Variants in CAST observed in about 807,000 individuals in gnomAD.
The protein encoded by CAST is MIR583 host.
A neutral mutation model predicts 119.6 loss-of-function variants in CAST; 76 were observed. That is an observed-to-expected ratio of 0.64 (90% CI 0.53 to 0.77). The LOEUF (loss-of-function observed/expected upper bound fraction) is 0.77, where lower values mean the gene tolerates loss of function less well. Ranked by LOEUF, CAST falls within the 30% of genes least tolerant of loss-of-function variation. CAST has a pLI of 0.00. For synonymous variants in CAST, 319 were observed against 331.6 expected, an observed-to-expected ratio of 0.96 and a Z score of 0.41; for missense variants, 953 against 946.5, an observed-to-expected ratio of 1.01 and a Z score of -0.09.
At chr5:96,394,577 A>T in the CAST span, among the ~76,000 whole-genome samples, 4 of 152,246 alleles carry the variant, frequency 2.6e-5, no homozygotes, top group East Asian at 5.8e-4. Context: ...ATTGGGCATA[A>T]AGATAACTTT....
intron 1 of CAST, among the ~76,000 whole-genome samples, chr5:96,553,065 C>A (rs570488650): frequency 5.9e-5 from 9 of 152,154 alleles, no homozygotes; most frequent in Non-Finnish European, 8.8e-5. Context: ...TTTTATGAGG[C>A]CAGCATCATC....
the CAST span, among the ~76,000 whole-genome samples, chr5:96,120,443 A>G: frequency 6.6e-6 from 1 of 151,854 alleles, no homozygotes; most frequent in African/African-American, 2.4e-5. Flanking sequence ...CTGGTTTTCT[A>G]TATTCCCTGT....
the CAST span, among the ~76,000 whole-genome samples, chr5:95,981,999 T>A: frequency 1.3e-5 from 2 of 152,116 alleles, no homozygotes; most frequent in Non-Finnish European, 2.9e-5. Context: ...GGCATCTCCC[T>A]TTCCCTGTGC....
chr5:96,387,204 G>T, the CAST span, among the ~76,000 whole-genome samples: 1 of 152,164 alleles, frequency 6.6e-6, no homozygotes, highest in Non-Finnish European at 1.5e-5. Context: ...CCTTTAAGTT[G>T]TTAATATATT....
chr5:95,968,369 T>A, the CAST span, among the ~76,000 whole-genome samples: 1 of 152,220 alleles, frequency 6.6e-6, no homozygotes, highest in Non-Finnish European at 1.5e-5. Flanking sequence ...TGTGATATAT[T>A]AGAACCCTTG....
At chr5:96,413,573 G>A in the CAST span, among the ~76,000 whole-genome samples, 2 of 152,090 alleles carry the variant, frequency 1.3e-5, no homozygotes, top group East Asian at 1.9e-4. Flanking sequence ...GCCGAGGTGG[G>A]TGGATCACTT....
chr5:96,587,520 G>T (rs778360727), intron 1 of CAST, among the ~76,000 whole-genome samples: 6 of 152,188 alleles, frequency 3.9e-5, no homozygotes, highest in Admixed American at 6.5e-5. Context: ...TGTGATGAGA[G>T]GGTTGTTGGG....
the CAST span, among the ~76,000 whole-genome samples, chr5:96,317,760 A>T: frequency 6.6e-6 from 1 of 152,146 alleles, no homozygotes; most frequent in Non-Finnish European, 1.5e-5. Flanking sequence ...GGCTGAGTGA[A>T]TTCCTAGCTT....
chr5:96,282,840 A>T, the CAST span, among the ~76,000 whole-genome samples: 1 of 152,092 alleles, frequency 6.6e-6, no homozygotes, highest in Admixed American at 6.5e-5. Context: ...ATAGAAAAAA[A>T]ATTTGTTGGC....
chr5:96,639,440 A>G (rs753809217), intron 1 of CAST, among the ~76,000 whole-genome samples: 3 of 152,152 alleles, frequency 2.0e-5, no homozygotes, highest in African/African-American at 7.2e-5. Flanking sequence ...TTCACATTTT[A>G]TCTCCTCTTC....
chr5:96,580,613 C>T (rs1746754357), intron 1 of CAST, among the ~76,000 whole-genome samples: 1 of 152,142 alleles, frequency 6.6e-6, no homozygotes, highest in Non-Finnish European at 1.5e-5. Context: ...GTCTAATAAG[C>T]TTCGGGCGAT....
the CAST span, among the ~76,000 whole-genome samples, chr5:96,119,819 T>C: frequency 6.6e-6 from 1 of 152,196 alleles, no homozygotes; most frequent in South Asian, 2.1e-4. Flanking sequence ...ATTAAATATT[T>C]TTCAAAATGG....
At chr5:96,611,943 C>A (rs1300564601) in intron 1 of CAST, among the ~76,000 whole-genome samples, 1 of 152,074 alleles carries the variant, frequency 6.6e-6, no homozygotes. Context: ...CAAAAAATAA[C>A]AGATGTTGGT....
the CAST span, among the ~76,000 whole-genome samples, chr5:96,316,360 C>G: frequency 6.6e-6 from 1 of 152,196 alleles, no homozygotes; most frequent in Non-Finnish European, 1.5e-5. Context: ...GTCACATCTT[C>G]TCTGTCCTCT....
intron 1 of CAST, among the ~76,000 whole-genome samples, chr5:96,623,112 C>T (rs1487409734): frequency 6.6e-6 from 1 of 152,094 alleles, no homozygotes; most frequent in Non-Finnish European, 1.5e-5. Context: ...GATCTGTCCT[C>T]CTTGGCCTCC....
At chr5:96,743,872 C>G in intron 16 of CAST, 1 of 642,722 alleles carries the variant, frequency 1.6e-6, no homozygotes, top group Non-Finnish European at 2.6e-6. Context: ...TGGGGGGAGT[C>G]AGGAGGCCAA....
rs1773602849 is a variant in CAST at position 96,774,469 on chromosome 5, AT to A, written c.*1855del. On this transcript the variant is annotated 3_prime_UTR_variant, in exon 32 of 32. Transcript: ENST00000675179. ...CAGTCTAGTTAGGAGAGAGAAAATA[AT>A]TGCAAATATCCACTTAGAGGCAAAG... The A allele has an allele frequency of 1.0e-6, 1 of 980,196 alleles. No individual in the cohort carries two copies. The highest frequency in any genetic ancestry group is 1.2e-6 in the Non-Finnish European group (1 of 823,566). 60.7% of individuals were successfully genotyped at this position (980,196 alleles called of 1,614,324 possible). A position where few individuals can be genotyped will look rare whatever the true frequency, so the allele number is the denominator to read the frequency against.
chr5:96,582,425 TCA>T (rs1361316044), intron 1 of CAST, among the ~76,000 whole-genome samples: 1 of 152,254 alleles, frequency 6.6e-6, no homozygotes, highest in Non-Finnish European at 1.5e-5. Context: ...TCCTTCATAT[TCA>T]CAGTCACTCG....
intron 1 of CAST, among the ~76,000 whole-genome samples, chr5:96,560,821 A>G (rs1055924976): frequency 6.6e-6 from 1 of 152,192 alleles, no homozygotes; most frequent in Non-Finnish European, 1.5e-5. Context: ...GGAACTAGAA[A>G]TACCATTTGA....
Sources: gnomAD v4.1 joint callset for allele counts (sites outside exome capture counted in the v4.1 genomes callset) on GRCh38, gnomAD v4.1.1 for gene constraint, MANE v1.5 for transcripts, NCBI Gene and HGNC (gene_info 2026-07-23, HGNC 2026-07-21) for gene names.